Variants in RBFOX1 observed in about 807,000 individuals in gnomAD.
The protein encoded by RBFOX1 is RNA binding fox-1 homolog 1.
RBFOX1 carries 8 observed loss-of-function variants against 57.7 expected under a neutral mutation model. The ratio of observed to expected loss-of-function variants is 0.14; its 90% CI spans 0.08 to 0.25. The LOEUF (loss-of-function observed/expected upper bound fraction) is 0.25. Among genes scored for constraint, RBFOX1 ranks in the 10% least tolerant of loss-of-function variants. RBFOX1 has a pLI of 1.00. For missense variants in RBFOX1, 611 were observed against 548.5 expected (o/e 1.11, Z -1.14); for synonymous variants, 326 against 222.4 (o/e 1.47, Z -4.15).
chr16:5,873,641 C>T (rs1228141325), intron 4 of RBFOX1, among the ~76,000 whole-genome samples: 1 of 152,142 alleles, frequency 6.6e-6, no homozygotes, highest in Non-Finnish European at 1.5e-5. Context: ...ACTATCATAC[C>T]CTCAAATAAC....
chr16:5,790,365 G>A (rs1344817159), intron 3 of RBFOX1, among the ~76,000 whole-genome samples: 3 of 152,158 alleles, frequency 2.0e-5, no homozygotes, highest in African/African-American at 4.8e-5. Flanking sequence ...TGTCCAAGGT[G>A]CAGAGACCGT....
At chr16:6,725,272 G>T (rs1283106914) in intron 3 of RBFOX1, among the ~76,000 whole-genome samples, 1 of 151,570 alleles carries the variant, frequency 6.6e-6, no homozygotes, top group Non-Finnish European at 1.5e-5. Context: ...AGGATGGTCT[G>T]GATCTCCTGA....
chr16:6,941,313 T>TCCCC (rs1285309183), intron 3 of RBFOX1, among the ~76,000 whole-genome samples: 1 of 90,038 alleles, frequency 1.1e-5, no homozygotes, highest in Non-Finnish European at 2.2e-5. Context: ...CTTCCTTCCT[T>TCCCC]CCTTCCTTCC....
At chr16:7,278,222 G>C (rs181233331) in intron 4 of RBFOX1, among the ~76,000 whole-genome samples, 63 of 152,286 alleles carry the variant, frequency 4.1e-4, no homozygotes, top group African/African-American at 1.5e-3. Context: ...AAATTAACCA[G>C]TTGCAAATGT....
At chr16:5,948,142 C>A (rs955097505) in intron 4 of RBFOX1, among the ~76,000 whole-genome samples, 2 of 152,118 alleles carry the variant, frequency 1.3e-5, no homozygotes, top group East Asian at 3.9e-4. Flanking sequence ...AGGGGTGACT[C>A]TTTCCCTAAT....
chr16:6,189,605 C>T (rs936015968), intron 1 of RBFOX1, among the ~76,000 whole-genome samples: 3 of 152,186 alleles, frequency 2.0e-5, no homozygotes, highest in South Asian at 2.1e-4. Context: ...CATTTTAACT[C>T]ATCACCTGAT....
intron 1 of RBFOX1, among the ~76,000 whole-genome samples, chr16:6,066,132 A>T (rs1004489537): frequency 6.6e-6 from 1 of 151,818 alleles, no homozygotes; most frequent in African/African-American, 2.4e-5. Flanking sequence ...CCTCTCTACT[A>T]AAAACACAAA....
chr16:6,819,964 C>T (rs1328866765), intron 3 of RBFOX1, among the ~76,000 whole-genome samples: 2 of 152,128 alleles, frequency 1.3e-5, no homozygotes, highest in African/African-American at 4.8e-5. Context: ...CACTCATCCT[C>T]TGGCTGTGTC....
intron 4 of RBFOX1, among the ~76,000 whole-genome samples, chr16:7,321,226 C>T (rs1439018065): frequency 6.6e-6 from 1 of 152,038 alleles, no homozygotes; most frequent in Non-Finnish European, 1.5e-5. Context: ...CTCACTGCAA[C>T]CTCTGGCTCC....
intron 3 of RBFOX1, among the ~76,000 whole-genome samples, chr16:6,881,252 T>C (rs1411854446): frequency 6.6e-6 from 1 of 152,124 alleles, no homozygotes; most frequent in Non-Finnish European, 1.5e-5. Context: ...GTTCCCAAGA[T>C]TGGACCTAGG....
At chr16:7,092,512 G>A (rs939726639) in intron 4 of RBFOX1, among the ~76,000 whole-genome samples, 8 of 152,276 alleles carry the variant, frequency 5.3e-5, no homozygotes, top group African/African-American at 9.6e-5. Context: ...GTGTTCCAGC[G>A]AATGGCGATT....
intron 3 of RBFOX1, among the ~76,000 whole-genome samples, chr16:5,857,169 C>A (rs1262844677): frequency 4.6e-5 from 7 of 151,852 alleles, no homozygotes; most frequent in Admixed American, 4.6e-4. Flanking sequence ...ATAGGGAGAC[C>A]TGAGGAGAGA....
intron 3 of RBFOX1, among the ~76,000 whole-genome samples, chr16:6,656,834 C>G (rs1432498860): frequency 6.6e-6 from 1 of 151,798 alleles, no homozygotes; most frequent in Non-Finnish European, 1.5e-5. Context: ...GTCTTACTCT[C>G]TAAGGACTTT....
intron 3 of RBFOX1, among the ~76,000 whole-genome samples, chr16:7,043,194 C>G (rs1019476781): frequency 6.6e-6 from 1 of 152,150 alleles, no homozygotes; most frequent in Non-Finnish European, 1.5e-5. Context: ...TGACTGATGT[C>G]TCCTCCACTG....
chr16:6,872,277 T>C (rs2061058003), intron 3 of RBFOX1, among the ~76,000 whole-genome samples: 1 of 152,154 alleles, frequency 6.6e-6, no homozygotes, highest in Non-Finnish European at 1.5e-5. Context: ...TCTATCCAGT[T>C]GGATAACTTG....
chr16:7,687,540 T>G (rs570522742), intron 14 of RBFOX1, among the ~76,000 whole-genome samples: 1 of 152,114 alleles, frequency 6.6e-6, no homozygotes, highest in South Asian at 2.1e-4. Flanking sequence ...TTTTAATAGG[T>G]ACATCCTATC....
chr16:5,719,976 G>A (rs1478898965), intron 3 of RBFOX1, among the ~76,000 whole-genome samples: 1 of 151,578 alleles, frequency 6.6e-6, no homozygotes, highest in Non-Finnish European at 1.5e-5. Context: ...CCCATGATTT[G>A]AGGAACCACC....
At chr16:5,972,298 T>A (rs575187834) in intron 4 of RBFOX1, among the ~76,000 whole-genome samples, 1 of 152,328 alleles carries the variant, frequency 6.6e-6, no homozygotes, top group East Asian at 1.9e-4. Flanking sequence ...GAAAAAATGT[T>A]ATTTCCATAG....
rs146911967 is a variant in RBFOX1, at chr16:6,054,573, A to G, written c.-127+34581A>G. On this transcript the variant is annotated intron_variant, in intron 1 of 15. Transcript: ENST00000550418. The stretch of plus-strand genomic sequence containing the variant: ...TAAACACTGGGTTGACACCCTGACC[A>G]TGATTCATATTGGGTCTATGGAGGT... Among the ~76,000 whole-genome samples, 179 of 152,288 alleles carry G rather than the reference A, an allele frequency of 1.2e-3. 2 individuals carry two copies. Among genetic ancestry groups the G allele is most frequent in the African/African-American group, 3.8e-3 (156 of 41,558 alleles).
Sources: allele counts gnomAD v4.1 joint callset (sites outside exome capture counted in the v4.1 genomes callset), GRCh38; gene constraint gnomAD v4.1.1; transcripts MANE v1.5; gene names NCBI Gene and HGNC (gene_info 2026-07-23, HGNC 2026-07-21).